The following NKAIN2 variants were observed in gnomAD, a reference collection of about 807,000 sequenced individuals.
The protein encoded by NKAIN2 is sodium/potassium-transporting ATPase subunit beta-1-interacting protein 2.
A neutral mutation model predicts 32.6 loss-of-function variants in NKAIN2; 14 were observed. That is an observed-to-expected ratio of 0.43 (90% CI 0.28 to 0.67). The LOEUF (loss-of-function observed/expected upper bound fraction) is 0.67. NKAIN2 is among the 30% of genes least tolerant of loss of function. The pLI is 0.17. For missense variants in NKAIN2, 198 were observed against 258.3 expected (o/e 0.77, Z 1.60); for synonymous variants, 80 against 87.2 (o/e 0.92, Z 0.46).
intron 1 of NKAIN2, among the ~76,000 whole-genome samples, chr6:124,275,472 G>T (rs148397240): frequency 1.2e-3 from 188 of 152,200 alleles, no homozygotes; most frequent in African/African-American, 4.3e-3. Flanking sequence ...TTATTGTGAT[G>T]AACTATGTGG....
intron 3 of NKAIN2, among the ~76,000 whole-genome samples, chr6:124,509,433 A>G (rs1778625097): frequency 1.3e-5 from 2 of 152,192 alleles, no homozygotes; most frequent in Admixed American, 1.3e-4. Flanking sequence ...TTCTATCAGT[A>G]TTAGTAATAG....
intron 3 of NKAIN2, among the ~76,000 whole-genome samples, chr6:124,391,613 A>G (rs1404260733): frequency 1.3e-5 from 2 of 152,138 alleles, no homozygotes; most frequent in African/African-American, 2.4e-5. Context: ...CTCTCCATCA[A>G]GTAAAAATCC....
chr6:124,530,731 T>A (rs1779494069), intron 3 of NKAIN2, among the ~76,000 whole-genome samples: 1 of 152,212 alleles, frequency 6.6e-6, no homozygotes, highest in African/African-American at 2.4e-5. Flanking sequence ...GGAGCTGCCG[T>A]ATAACTCCTA....
chr6:124,325,030 T>C (rs1158556474), intron 2 of NKAIN2, among the ~76,000 whole-genome samples: 1 of 152,114 alleles, frequency 6.6e-6, no homozygotes, highest in African/African-American at 2.4e-5. Context: ...TTTACATATA[T>C]AAATTTAACA....
At chr6:123,977,300 A>G (rs1778688835) in intron 1 of NKAIN2, among the ~76,000 whole-genome samples, 1 of 152,172 alleles carries the variant, frequency 6.6e-6, no homozygotes, top group East Asian at 1.9e-4. Context: ...ATGCCTAGCT[A>G]CTTGGGAAGC....
At chr6:124,743,149 A>G (rs1445701464) in intron 4 of NKAIN2, among the ~76,000 whole-genome samples, 2 of 151,784 alleles carry the variant, frequency 1.3e-5, no homozygotes, top group Non-Finnish European at 1.5e-5. Flanking sequence ...GACAAACTGT[A>G]TCTCTGCCCC....
At chr6:124,749,589 CTG>C (rs771421772) in intron 4 of NKAIN2, among the ~76,000 whole-genome samples, 137 of 151,920 alleles carry the variant, frequency 9.0e-4, no homozygotes, top group Non-Finnish European at 1.7e-3. Context: ...TGGAGTCACA[CTG>C]TGTGCATCGT....
rs193190108 is a variant in NKAIN2 at position 124,758,072 on chromosome 6, A to G, written c.475-33267A>G. Among the ~76,000 whole-genome samples the G allele has an allele frequency of 7.3e-3, 1,117 of 152,290 alleles. 6 individuals carry two copies. Among genetic ancestry groups the G allele is most frequent in the Non-Finnish European group, 0.013 (891 of 68,030 alleles). On this transcript the variant is annotated intron_variant, in intron 4 of 6. Transcript: ENST00000368417. ...ATTAAATTGACAAGAGAATGTTTGCATATTATCCCCAAGTTTCATTTGGGG... is the reference window on the plus strand; with the variant it reads ...ATTAAATTGACAAGAGAATGTTTGCGTATTATCCCCAAGTTTCATTTGGGG...
At chr6:123,972,301 G>T (rs994137451) in intron 1 of NKAIN2, among the ~76,000 whole-genome samples, 1 of 152,170 alleles carries the variant, frequency 6.6e-6, no homozygotes, top group Non-Finnish European at 1.5e-5. Context: ...CCTCCATATT[G>T]TTCAAGGGTC....
chr6:124,641,530 CTTTTTTTTTTTTTTTTTTTTTT>C (rs755033671), intron 3 of NKAIN2, among the ~76,000 whole-genome samples: 23 of 19,534 alleles, frequency 1.2e-3, no homozygotes, highest in Middle Eastern at 0.056. Flanking sequence ...AAAACACTAG[CTTTTTTTTTTTTTTTTTTTTTT>C]TTTTTTTTTT....
intron 1 of NKAIN2, among the ~76,000 whole-genome samples, chr6:123,868,014 G>A (rs113317102): frequency 0.022 from 3,355 of 150,896 alleles, 48 homozygotes; most frequent in African/African-American, 0.029. Flanking sequence ...GACTACAGGC[G>A]CACACCACCA....
At chr6:124,739,094 A>G (rs1288588339) in intron 4 of NKAIN2, among the ~76,000 whole-genome samples, 2 of 120,678 alleles carry the variant, frequency 1.7e-5, no homozygotes, top group Non-Finnish European at 3.6e-5. Flanking sequence ...AGTTAAGCCA[A>G]CTGTTCAATA....
chr6:124,816,919 C>T (rs567035254), intron 5 of NKAIN2, among the ~76,000 whole-genome samples: 1 of 152,272 alleles, frequency 6.6e-6, no homozygotes, highest in South Asian at 2.1e-4. Flanking sequence ...TAAACTTTTT[C>T]ACAGTACTTT....
intron 1 of NKAIN2, among the ~76,000 whole-genome samples, chr6:123,851,760 C>A (rs1313128346): frequency 6.6e-6 from 1 of 152,120 alleles, no homozygotes; most frequent in Non-Finnish European, 1.5e-5. Flanking sequence ...TGCGAAATGT[C>A]TATTCAAGCC....
chr6:124,174,748 A>G (rs1789072313), intron 1 of NKAIN2, among the ~76,000 whole-genome samples: 1 of 152,194 alleles, frequency 6.6e-6, no homozygotes, highest in South Asian at 2.1e-4. Context: ...ATGTAGTCAT[A>G]TGACCAAACC....
intron 3 of NKAIN2, among the ~76,000 whole-genome samples, chr6:124,387,348 C>T (rs1262135144): frequency 1.3e-5 from 2 of 151,182 alleles, no homozygotes; most frequent in Non-Finnish European, 2.9e-5. Context: ...GAAAGAACCT[C>T]CTTGCCCCAT....
At chr6:124,183,648 C>A (rs1789564776) in intron 1 of NKAIN2, among the ~76,000 whole-genome samples, 1 of 152,042 alleles carries the variant, frequency 6.6e-6, no homozygotes, top group Non-Finnish European at 1.5e-5. Context: ...ACTGATGTAA[C>A]ATCCTTTGAT....
At chr6:124,231,841 A>G (rs1185522817) in intron 1 of NKAIN2, among the ~76,000 whole-genome samples, 5 of 132,486 alleles carry the variant, frequency 3.8e-5, no homozygotes, top group Non-Finnish European at 5.1e-5. Context: ...TTCTAGATAT[A>G]TACTTCTTTA....
chr6:124,477,919 C>A (rs1193575312), intron 3 of NKAIN2, among the ~76,000 whole-genome samples: 2 of 151,054 alleles, frequency 1.3e-5, no homozygotes, highest in African/African-American at 4.9e-5. Flanking sequence ...GGTCATAACT[C>A]CCTGTCAATG....
Sources: allele counts gnomAD v4.1 joint callset (sites outside exome capture counted in the v4.1 genomes callset), GRCh38; gene constraint gnomAD v4.1.1; transcripts MANE v1.5; gene names NCBI Gene and HGNC (gene_info 2026-07-23, HGNC 2026-07-21).